The following TRAPPC9 variants were observed in gnomAD, a reference collection of about 807,000 sequenced individuals.
TRAPPC9 encodes trafficking protein particle complex subunit 9.
Under a neutral mutation model 124.0 loss-of-function variants are expected in TRAPPC9, and 83 were observed. The observed-to-expected ratio is 0.67, with a 90% CI of 0.56 to 0.80. The LOEUF is 0.80. Ranked by LOEUF, TRAPPC9 falls within the 30% of genes least tolerant of loss-of-function variation. The pLI is 0.00. For synonymous variants in TRAPPC9, 638 were observed against 617.5 expected, an observed-to-expected ratio of 1.03 and a Z score of -0.49; for missense variants, 1,302 against 1,508.3, an observed-to-expected ratio of 0.86 and a Z score of 2.27.
intron 21 of TRAPPC9, among the ~76,000 whole-genome samples, chr8:139,846,894 T>C (rs1476017074): frequency 6.6e-6 from 1 of 152,178 alleles, no homozygotes; most frequent in Non-Finnish European, 1.5e-5. Context: ...AGCAAATCAA[T>C]CCATTTTTTT....
intron 15 of TRAPPC9, among the ~76,000 whole-genome samples, chr8:140,254,089 T>G (rs973476621): frequency 6.6e-6 from 1 of 152,234 alleles, no homozygotes; most frequent in Non-Finnish European, 1.5e-5. Context: ...TCTCCACGGC[T>G]CCAGTTCCTA....
rs36105105 is a variant in TRAPPC9, at chr8:140,292,420, G to C, written c.1769-1342C>G. Reference sequence around the variant, plus strand: ...GAGGCACCCCGAGCAGACACGGGTGGCTAACAGGGCAGTGGAGGGCTTCTT... The same window carrying C: ...GAGGCACCCCGAGCAGACACGGGTGCCTAACAGGGCAGTGGAGGGCTTCTT... On this transcript the variant is annotated intron_variant, in intron 11 of 22. Transcript: ENST00000438773. 7.1e-3 allele frequency among the ~76,000 whole-genome samples: 1,077 copies of C among 152,312 alleles called. 8 individuals are homozygous for C. Among genetic ancestry groups the C allele is most frequent in the Non-Finnish European group, 0.012 (799 of 68,030 alleles).
In TRAPPC9 at chr8:139,940,229, G is replaced by A. The variant is rs547435669; in HGVS notation, c.2811-29929C>T. 2.0e-5 allele frequency among the ~76,000 whole-genome samples: 3 copies of A among 152,334 alleles called. No homozygotes were observed. In the East Asian group the frequency reaches 5.8e-4, roughly 29 times the overall value. On this transcript the variant is annotated intron_variant, in intron 19 of 22. Coordinates refer to ENST00000438773, the MANE Select transcript of TRAPPC9 (RefSeq NM_001160372.4). ...CCCAAGTCTCTCTTACTTCTGAACA[G>A]TTCTGGCAGTCAAGTTTTTCTTAAT... is the stretch of plus-strand genomic sequence containing the variant.
chr8:140,125,870 G>A (rs945851419), intron 17 of TRAPPC9, among the ~76,000 whole-genome samples: 3 of 151,986 alleles, frequency 2.0e-5, no homozygotes, highest in South Asian at 2.1e-4. Context: ...CAAGTGCCAC[G>A]CTAAATGCCT....
At chr8:140,326,944 A>G (rs2066753587) in intron 9 of TRAPPC9, among the ~76,000 whole-genome samples, 1 of 152,166 alleles carries the variant, frequency 6.6e-6, no homozygotes, top group Non-Finnish European at 1.5e-5. Context: ...GAAACATGAC[A>G]TAGTGATGCA....
intron 15 of TRAPPC9, among the ~76,000 whole-genome samples, chr8:140,269,444 G>C (rs1452910903): frequency 6.6e-6 from 1 of 152,136 alleles, no homozygotes; most frequent in East Asian, 1.9e-4. Flanking sequence ...GGGAGGCTGA[G>C]GCAGGAGAAT....
At chr8:140,413,116 C>T (rs1389719951) in intron 5 of TRAPPC9, among the ~76,000 whole-genome samples, 4 of 152,266 alleles carry the variant, frequency 2.6e-5, no homozygotes, top group Non-Finnish European at 5.9e-5. Flanking sequence ...GGGTCGGGCA[C>T]GGTGGCTCAC....
At chr8:140,436,081 C>T (rs2070802808) in intron 3 of TRAPPC9, among the ~76,000 whole-genome samples, 1 of 152,230 alleles carries the variant, frequency 6.6e-6, no homozygotes, top group African/African-American at 2.4e-5. Context: ...CGCAGTGGCT[C>T]ATGCCAGTAA....
At chr8:140,215,625 G>A (rs1014668416) in intron 17 of TRAPPC9, among the ~76,000 whole-genome samples, 28 of 148,662 alleles carry the variant, frequency 1.9e-4, no homozygotes, top group African/African-American at 5.5e-4. Context: ...CAGCCTGAGC[G>A]ACAGAGCAAA....
chr8:140,268,279 C>T (rs1212093295), intron 15 of TRAPPC9, among the ~76,000 whole-genome samples: 2 of 152,148 alleles, frequency 1.3e-5, no homozygotes, highest in South Asian at 4.2e-4. Flanking sequence ...CCCTCACCCT[C>T]CCCACCACCA....
rs111975928 is a variant in TRAPPC9, at chr8:140,049,543, GCTCC to G, written c.2557-25468_2557-25465del. ...CAAGCATGAAGATAAATCCTACAGGGCTCCCCCCCCCGAGACCACCAAATTATTT... is the reference window on the plus strand; with the variant it reads ...CAAGCATGAAGATAAATCCTACAGGGCCCCCCCGAGACCACCAAATTATTT... On this transcript the variant is annotated intron_variant, in intron 17 of 22. Transcript: ENST00000438773. 7.9e-3 allele frequency among the ~76,000 whole-genome samples: 1,176 copies of G among 149,528 alleles called. 16 individuals are homozygous for G. Among genetic ancestry groups the G allele is most frequent in the African/African-American group, 0.028 (1,124 of 39,530 alleles).
At chr8:139,807,428 G>A (rs982515325) in intron 21 of TRAPPC9, among the ~76,000 whole-genome samples, 2 of 152,116 alleles carry the variant, frequency 1.3e-5, no homozygotes, top group African/African-American at 4.8e-5. Context: ...ACTAAGAGTG[G>A]GGAGGAACAT....
chr8:140,315,233 CTTTT>C (rs61220260), intron 9 of TRAPPC9, among the ~76,000 whole-genome samples: 29 of 107,158 alleles, frequency 2.7e-4, no homozygotes, highest in African/African-American at 9.8e-4. Flanking sequence ...ATTTGTATGT[CTTTT>C]TTTTTTTTTT....
At chr8:139,904,213 C>T (rs34028690) in intron 20 of TRAPPC9, among the ~76,000 whole-genome samples, 13,760 of 152,162 alleles carry the variant, frequency 0.09, 813 homozygotes, top group Admixed American at 0.16. Flanking sequence ...GACCTCAAGA[C>T]GGCACAATCT....
chr8:139,996,534 G>A (rs1409832332), intron 18 of TRAPPC9, among the ~76,000 whole-genome samples: 3 of 151,044 alleles, frequency 2.0e-5, no homozygotes, highest in African/African-American at 7.3e-5. Flanking sequence ...AAACAACAGG[G>A]GAAAATAAAA....
rs1325269331 is a variant in TRAPPC9 at position 139,742,125 on chromosome 8, C to T, written c.3056-9923G>A. On this transcript the variant is annotated intron_variant, in intron 21 of 22. Coordinates refer to ENST00000438773, the MANE Select transcript of TRAPPC9 (RefSeq NM_001160372.4). The surrounding 1 kb of genome is among the most constrained non-coding windows in gnomAD (Gnocchi z 4.7). ...TTTCCAAGGCGGCTGCACCCCCATT[C>T]CCAGCGGCGGTGCGGGAGAGGCCTG... Among the ~76,000 whole-genome samples the T allele has an allele frequency of 6.6e-6, 1 of 152,242 alleles. No individual in the cohort carries two copies. The highest frequency in any genetic ancestry group is 2.4e-5 in the African/African-American group (1 of 41,462).
chr8:139,750,167 G>A (rs1819217109), intron 21 of TRAPPC9, among the ~76,000 whole-genome samples: 1 of 152,140 alleles, frequency 6.6e-6, no homozygotes, highest in African/African-American at 2.4e-5. Context: ...TCCACCAGGG[G>A]TTGCCCAACC....
At chr8:140,251,627 G>A (rs2064134174) in intron 16 of TRAPPC9, among the ~76,000 whole-genome samples, 1 of 152,230 alleles carries the variant, frequency 6.6e-6, no homozygotes, top group South Asian at 2.1e-4. Flanking sequence ...TTCCCCAGCT[G>A]CATCTACTGA....
Position 140,087,812 on chromosome 8 carries a change from A to G in TRAPPC9, c.2557-63733T>C, listed in dbSNP as rs1200230879. On this transcript the variant is annotated intron_variant, in intron 17 of 22. Transcript: ENST00000438773. The surrounding 1 kb of genome is among the most constrained non-coding windows in gnomAD (Gnocchi z 4.6). ...TGACCATTCTCATGCATGACGAGCA[A>G]CCGCACCATTCCCTGGCTCTCTCCT... is the stretch of plus-strand genomic sequence containing the variant. 6.6e-6 allele frequency among the ~76,000 whole-genome samples: 1 copy of G among 152,004 alleles called. No individual in the cohort carries two copies. Among genetic ancestry groups the G allele is most frequent in the South Asian group, 2.1e-4 (1 of 4,818 alleles).
Sources: gnomAD v4.1 joint callset for allele counts (sites outside exome capture counted in the v4.1 genomes callset) on GRCh38, gnomAD v4.1.1 for gene constraint, Gnocchi (gnomAD v3.1) non-coding constraint, MANE v1.5 for transcripts, NCBI Gene and HGNC (gene_info 2026-07-23, HGNC 2026-07-21) for gene names.